LHFPL3: variants seen among roughly 807,000 people sequenced by gnomAD.
LHFPL3 encodes LHFPL tetraspan subfamily member 3.
Under a neutral mutation model 19.3 loss-of-function variants are expected in LHFPL3, and 5 were observed. The ratio of observed to expected loss-of-function variants is 0.26; its 90% CI spans 0.14 to 0.54. The LOEUF (loss-of-function observed/expected upper bound fraction) is 0.54. Among genes scored for constraint, LHFPL3 ranks in the 20% least tolerant of loss-of-function variants. The probability of loss-of-function intolerance (pLI) is 0.94; values close to 1 mark genes in which losing one functional copy is unlikely to be tolerated. For missense variants in LHFPL3, 249 were observed against 307.4 expected, an observed-to-expected ratio of 0.81 and a Z score of 1.42; for synonymous variants, 133 against 126.2, an observed-to-expected ratio of 1.05 and a Z score of -0.36.
At chr7:104,799,213 A>G (rs944378135) in intron 2 of LHFPL3, among the ~76,000 whole-genome samples, 1 of 152,162 alleles carries the variant, frequency 6.6e-6, no homozygotes, top group African/African-American at 2.4e-5. Context: ...TATTTCTACT[A>G]TCCTCCTTGC....
intron 1 of LHFPL3, among the ~76,000 whole-genome samples, chr7:104,498,238 A>C (rs41023): frequency 0.17 from 26,206 of 152,110 alleles, 4,933 homozygotes; most frequent in African/African-American, 0.47. Context: ...ATCTTTGTGG[A>C]TATGTGACAA....
chr7:104,774,803 T>A (rs1794613829), intron 2 of LHFPL3, among the ~76,000 whole-genome samples: 1 of 152,216 alleles, frequency 6.6e-6, no homozygotes, highest in Non-Finnish European at 1.5e-5. Context: ...AATCTCTGTT[T>A]GTAGTATAAG....
At chr7:104,330,730 C>T (rs367721970) in intron 1 of LHFPL3, among the ~76,000 whole-genome samples, 7 of 152,200 alleles carry the variant, frequency 4.6e-5, no homozygotes, top group African/African-American at 1.7e-4. Context: ...CACCCCCATC[C>T]CCAACTTTTT....
At chr7:104,596,298 G>A (rs189303886) in intron 1 of LHFPL3, among the ~76,000 whole-genome samples, 20 of 152,316 alleles carry the variant, frequency 1.3e-4, no homozygotes, top group Admixed American at 9.2e-4. Flanking sequence ...GCTTCCCTGT[G>A]ATCTCCAAGT....
intron 1 of LHFPL3, among the ~76,000 whole-genome samples, chr7:104,704,601 TAGC>T (rs1403912013): frequency 6.6e-6 from 1 of 151,628 alleles, no homozygotes; most frequent in Non-Finnish European, 1.5e-5. Flanking sequence ...TTTCTTGCCC[TAGC>T]AGGCAGGTGA....
chr7:104,511,693 G>A (rs1793816208), intron 1 of LHFPL3, among the ~76,000 whole-genome samples: 1 of 152,106 alleles, frequency 6.6e-6, no homozygotes, highest in Non-Finnish European at 1.5e-5. Flanking sequence ...ATGCATAAAA[G>A]ACTATGCATT....
At chr7:104,798,696 A>T (rs1473931376) in intron 2 of LHFPL3, among the ~76,000 whole-genome samples, 2 of 140,900 alleles carry the variant, frequency 1.4e-5, no homozygotes, top group Non-Finnish European at 3.2e-5. Context: ...AGAAAGTCTC[A>T]CGATTTTTTT....
intron 1 of LHFPL3, among the ~76,000 whole-genome samples, chr7:104,527,931 G>A (rs565460297): frequency 1.3e-5 from 2 of 152,306 alleles, no homozygotes; most frequent in South Asian, 4.1e-4. Context: ...TTCAAAAAGT[G>A]AGACCATATT....
chr7:104,334,292 AT>A (rs1438640179), intron 1 of LHFPL3, among the ~76,000 whole-genome samples: 5 of 152,226 alleles, frequency 3.3e-5, no homozygotes, highest in Non-Finnish European at 7.3e-5. Flanking sequence ...CACACCTGTA[AT>A]CGCAGCACTT....
chr7:104,637,145 A>G (rs1179809183), intron 1 of LHFPL3, among the ~76,000 whole-genome samples: 1 of 152,158 alleles, frequency 6.6e-6, no homozygotes, highest in African/African-American at 2.4e-5. Flanking sequence ...GATATTTAGC[A>G]TCTTTTTCAT....
intron 1 of LHFPL3, among the ~76,000 whole-genome samples, chr7:104,516,341 C>T (rs778930802): frequency 3.3e-5 from 5 of 151,954 alleles, no homozygotes; most frequent in Non-Finnish European, 7.4e-5. Flanking sequence ...TCTCACAACA[C>T]GTGGGGATTA....
chr7:104,711,923 A>G (rs1368341744), intron 1 of LHFPL3, among the ~76,000 whole-genome samples: 3 of 152,188 alleles, frequency 2.0e-5, no homozygotes, highest in Non-Finnish European at 4.4e-5. Context: ...GAGCATAACA[A>G]CGTACTACTA....
chr7:104,478,183 A>G (rs1033875627), intron 1 of LHFPL3, among the ~76,000 whole-genome samples: 1 of 152,156 alleles, frequency 6.6e-6, no homozygotes, highest in African/African-American at 2.4e-5. Flanking sequence ...ACTTTTTTTT[A>G]TTGGATATTT....
chr7:104,832,624 C>CT (rs10636405), intron 2 of LHFPL3, among the ~76,000 whole-genome samples: 112,464 of 131,988 alleles, frequency 0.85, 49,132 homozygotes, highest in Middle Eastern at 0.95. Context: ...TTTTTTCCTT[C>CT]TTTTTTTTTT....
At chr7:104,469,566 C>T (rs1017337232) in intron 1 of LHFPL3, among the ~76,000 whole-genome samples, 45 of 152,304 alleles carry the variant, frequency 3.0e-4, no homozygotes, top group African/African-American at 1.1e-3. Context: ...GGTGGCCACA[C>T]AACTGAGGCA....
At chr7:104,847,516 A>AT (rs567593162) in intron 2 of LHFPL3, among the ~76,000 whole-genome samples, 23 of 151,956 alleles carry the variant, frequency 1.5e-4, no homozygotes, top group African/African-American at 5.3e-4. Context: ...TTTATGGTGA[A>AT]TTTTTTTTCT....
At position 104,907,398 on chromosome 7, in the gene LHFPL3, TG is replaced by T. The variant is rs1300862118; in HGVS notation, c.*1185del. Reference sequence around the variant, plus strand: ...AAGTTACCTTTTTGTTTACTAATGTTGGTTTCAAAAATACTCAGATTCATTT... The same window carrying T: ...AAGTTACCTTTTTGTTTACTAATGTTGTTTCAAAAATACTCAGATTCATTT... On this transcript the variant is annotated 3_prime_UTR_variant, in exon 3 of 3. Coordinates refer to ENST00000424859, the MANE Select transcript of LHFPL3 (RefSeq NM_199000.3). 6.6e-6 allele frequency among the ~76,000 whole-genome samples: 1 copy of T among 152,180 alleles called. No homozygotes were observed. The highest frequency in any genetic ancestry group is 1.5e-5 in the Non-Finnish European group (1 of 68,008).
intron 1 of LHFPL3, among the ~76,000 whole-genome samples, chr7:104,501,627 T>C (rs993449172): frequency 6.6e-6 from 1 of 152,218 alleles, no homozygotes; most frequent in Admixed American, 6.5e-5. Context: ...TTCCCAGGCC[T>C]TGCTTTTCTC....
intron 2 of LHFPL3, among the ~76,000 whole-genome samples, chr7:104,770,160 C>T (rs906586055): frequency 6.6e-6 from 1 of 152,042 alleles, no homozygotes; most frequent in African/African-American, 2.4e-5. Context: ...ACAGAGTTAT[C>T]AAGGAAGGTT....
Sources: gnomAD v4.1 joint callset for allele counts (sites outside exome capture counted in the v4.1 genomes callset) on GRCh38, gnomAD v4.1.1 for gene constraint, MANE v1.5 for transcripts, NCBI Gene and HGNC (gene_info 2026-07-23, HGNC 2026-07-21) for gene names.